NETO1: variants seen among roughly 807,000 people sequenced by gnomAD.
NETO1 encodes the protein neuropilin and tolloid like 1.
A neutral mutation model predicts 61.3 loss-of-function variants in NETO1; 26 were observed. That is an observed-to-expected ratio of 0.42 (90% CI 0.31 to 0.59). The LOEUF (loss-of-function observed/expected upper bound fraction) is 0.59, where lower values mean the gene tolerates loss of function less well. Ranked by LOEUF, NETO1 falls within the 20% of genes least tolerant of loss-of-function variation. The probability of loss-of-function intolerance (pLI) is 0.12; values close to 1 mark genes in which losing one functional copy is unlikely to be tolerated. For missense variants in NETO1, 531 were observed against 662.8 expected (o/e 0.80, Z 2.18); for synonymous variants, 225 against 225.8 (o/e 1.00, Z 0.03).
chr18:72,852,479 T>C (rs143135323), intron 4 of NETO1, among the ~76,000 whole-genome samples: 1 of 152,366 alleles, frequency 6.6e-6, no homozygotes, highest in African/African-American at 2.4e-5. Flanking sequence ...CTTCCCAAAG[T>C]GCCGGGATTA....
chr18:72,846,230 C>T lies in NETO1; in HGVS notation c.469+12596G>A, dbSNP rs149156759. Among the ~76,000 whole-genome samples, 389 of 151,632 alleles carry T rather than the reference C, an allele frequency of 2.6e-3. 1 individual carries two copies. Among genetic ancestry groups the T allele is most frequent in the African/African-American group, 7.0e-3 (289 of 41,340 alleles). On this transcript the variant is annotated intron_variant, in intron 4 of 10. Coordinates refer to ENST00000327305, the MANE Select transcript of NETO1 (RefSeq NM_138966.5). ...TGTCAATAAAAGAGATGCGGCCAGGCGCTGTGGCTCACACCTGGAATCCCA... is the reference window on the plus strand; with the variant it reads ...TGTCAATAAAAGAGATGCGGCCAGGTGCTGTGGCTCACACCTGGAATCCCA...
chr18:72,762,973 C>T (rs2071028763), intron 7 of NETO1, among the ~76,000 whole-genome samples: 1 of 152,278 alleles, frequency 6.6e-6, no homozygotes, highest in African/African-American at 2.4e-5. Flanking sequence ...TCATAGAACA[C>T]ATTGTTTTTT....
At position 72,746,545 on chromosome 18, in the gene NETO1, T is replaced by A. The variant is rs140423483; in HGVS notation, c.*1634A>T. Among the ~76,000 whole-genome samples, 278 of 152,240 alleles carry A rather than the reference T, an allele frequency of 1.8e-3. 2 individuals are homozygous for A. The highest frequency in any genetic ancestry group is 5.0e-3 in the Admixed American group (76 of 15,278). ...GAGTGTTTATAATGGCTATGATAAC[T>A]CTTTGACTTTTCTATTATAAAAATT... On this transcript the variant is annotated 3_prime_UTR_variant, in exon 11 of 11. Coordinates refer to ENST00000327305, the MANE Select transcript of NETO1 (RefSeq NM_138966.5).
intron 6 of NETO1, among the ~76,000 whole-genome samples, chr18:72,787,015 A>G (rs1473639773): frequency 6.6e-6 from 1 of 150,400 alleles, no homozygotes; most frequent in Non-Finnish European, 1.5e-5. Context: ...AAAGGATTAA[A>G]ATTTCCCACT....
In NETO1 at chr18:72,746,981, A is replaced by G. The variant is rs1328556365; in HGVS notation, c.*1198T>C. 6.6e-6 allele frequency among the ~76,000 whole-genome samples: 1 copy of G among 152,068 alleles called. No homozygotes were observed. The highest frequency in any genetic ancestry group is 1.5e-5 in the Non-Finnish European group (1 of 67,952). ...GTGTACCTGAGAATAAGAATAATTCATAATGGTGGTTTAATTCATAAAAGG... is the reference window on the plus strand; with the variant it reads ...GTGTACCTGAGAATAAGAATAATTCGTAATGGTGGTTTAATTCATAAAAGG... On this transcript the variant is annotated 3_prime_UTR_variant, in exon 11 of 11. Coordinates refer to ENST00000327305, the MANE Select transcript of NETO1 (RefSeq NM_138966.5).
At chr18:72,814,916 A>G (rs1237461572) in intron 4 of NETO1, among the ~76,000 whole-genome samples, 1 of 151,212 alleles carries the variant, frequency 6.6e-6, no homozygotes, top group African/African-American at 2.4e-5. Context: ...CACCATAGGG[A>G]CAGAGCTTAT....
intron 4 of NETO1, chr18:72,835,366 G>T: frequency 1.3e-6 from 2 of 1,511,484 alleles, no homozygotes; most frequent in Non-Finnish European, 1.8e-6. Context: ...ACCAGTATAT[G>T]ATCAGGCATG....
At chr18:72,865,028 T>G (rs1045187770) in intron 2 of NETO1, 83 bp from the exon 3 acceptor site, 4 of 1,471,074 alleles carry the variant, frequency 2.7e-6, no homozygotes, top group African/African-American at 1.4e-5. Context: ...TCTTATAATA[T>G]CCATTAGTAA....
chr18:72,767,128 C>T (rs2071192754), intron 7 of NETO1, among the ~76,000 whole-genome samples: 1 of 152,162 alleles, frequency 6.6e-6, no homozygotes, highest in Non-Finnish European at 1.5e-5. Flanking sequence ...CCAAGTCCCA[C>T]AAAGGGGGCC....
chr18:72,808,509 C>G (rs2072757749), intron 4 of NETO1, among the ~76,000 whole-genome samples: 1 of 150,878 alleles, frequency 6.6e-6, no homozygotes, highest in African/African-American at 2.4e-5. Context: ...CTCTTCCATC[C>G]CAATTATGCC....
intron 4 of NETO1, among the ~76,000 whole-genome samples, chr18:72,811,070 C>A (rs1266764331): frequency 6.6e-6 from 1 of 152,220 alleles, no homozygotes; most frequent in African/African-American, 2.4e-5. Flanking sequence ...TCTACTACCT[C>A]CTTCCCTTTC....
At chr18:72,743,397 TTCTC>T (rs2070371033), downstream of NETO1, among the ~76,000 whole-genome samples, 1 of 152,214 alleles carries the variant, frequency 6.6e-6, no homozygotes, top group Non-Finnish European at 1.5e-5. Flanking sequence ...GATACCTATA[TTCTC>T]AGGTTTCTGC....
chr18:72,804,068 T>A (rs1260987349), intron 4 of NETO1, among the ~76,000 whole-genome samples: 2 of 152,080 alleles, frequency 1.3e-5, no homozygotes, highest in Non-Finnish European at 2.9e-5. Flanking sequence ...TAATATAGTA[T>A]GCTATTTACC....
At chr18:72,857,770 C>A (rs1424170772) in intron 4 of NETO1, among the ~76,000 whole-genome samples, 1 of 152,106 alleles carries the variant, frequency 6.6e-6, no homozygotes, top group African/African-American at 2.4e-5. Context: ...ATAATTAAAA[C>A]CACAATCCTT....
At chr18:72,826,373 T>G (rs959526559) in intron 4 of NETO1, among the ~76,000 whole-genome samples, 1 of 152,330 alleles carries the variant, frequency 6.6e-6, no homozygotes, top group Admixed American at 6.5e-5. Flanking sequence ...TGTGTGTCTG[T>G]AGGTTTTAAT....
At chr18:72,856,190 T>C (rs1360394822) in intron 4 of NETO1, among the ~76,000 whole-genome samples, 1 of 151,680 alleles carries the variant, frequency 6.6e-6, no homozygotes, top group Non-Finnish European at 1.5e-5. Flanking sequence ...TGTGATAAAT[T>C]CATTAAAATA....
intron 4 of NETO1, among the ~76,000 whole-genome samples, chr18:72,822,672 C>G (rs1461881519): frequency 6.6e-6 from 1 of 152,140 alleles, no homozygotes. Context: ...AAACATACAT[C>G]AATTGTGCTG....
chr18:72,811,392 C>T (rs2072861461), intron 4 of NETO1, among the ~76,000 whole-genome samples: 2 of 152,236 alleles, frequency 1.3e-5, no homozygotes, highest in Admixed American at 6.5e-5. Context: ...AAAGAAACTC[C>T]CATCAGCTAT....
At chr18:72,863,779 T>G in intron 3 of NETO1, among the ~76,000 whole-genome samples, 1 of 152,192 alleles carries the variant, frequency 6.6e-6, no homozygotes, top group Non-Finnish European at 1.5e-5. Flanking sequence ...GCATCTATCT[T>G]TATCATTAAG....
Sources: allele counts gnomAD v4.1 joint callset (sites outside exome capture counted in the v4.1 genomes callset), GRCh38; gene constraint gnomAD v4.1.1; transcripts MANE v1.5; gene names NCBI Gene and HGNC (gene_info 2026-07-23, HGNC 2026-07-21).